Variants in DLEC1 observed in about 807,000 individuals in gnomAD.
The protein encoded by DLEC1 is deleted in lung and esophageal cancer protein 1.
A neutral mutation model predicts 198.1 loss-of-function variants in DLEC1; 146 were observed. The ratio of observed to expected loss-of-function variants is 0.74; its 90% CI spans 0.64 to 0.85. DLEC1 has a LOEUF of 0.85. DLEC1 is among the 40% of genes least tolerant of loss of function. DLEC1 has a pLI of 0.00. For synonymous variants in DLEC1, 897 were observed against 866.8 expected (o/e 1.03, Z -0.61); for missense variants, 2,233 against 2,220.0 (o/e 1.01, Z -0.12).
rs1234537612 is a variant in DLEC1 at position 38,039,542 on chromosome 3, C to T, written c.317C>T (p.Ala106Val). The change falls in exon 1 of 37, where the codon GCC becomes GTC. Residue 106 changes from alanine to valine, a missense_variant. Physicochemically the swap from Ala to Val is moderately conservative, Grantham distance 64 (BLOSUM62 0). Coordinates refer to ENST00000308059, the MANE Select transcript of DLEC1 (RefSeq NM_007335.4). ...LTGVFRNLYS[A>V]EVIGDEVSAS... ...GGCGTCTTCCGCAACTTGTACTCAG[C>T]CGAGGTCATCGGCGACGAAGTGAGC... The T allele has an allele frequency of 4.3e-6, 7 of 1,614,008 alleles. No homozygotes were observed. In the South Asian group the frequency reaches 7.7e-5, roughly 18 times the overall value.
intron 2 of DLEC1, among the ~76,000 whole-genome samples, chr3:38,053,071 C>T (rs554086856): frequency 2.4e-4 from 37 of 151,332 alleles, no homozygotes; most frequent in Middle Eastern, 3.4e-3. Context: ...GGATTGTAGA[C>T]GGAGTCTCGT....
chr3:38,084,245 G>C lies in DLEC1; in HGVS notation c.1261G>C (p.Gly421Arg). 1 of 1,611,582 alleles carries C rather than the reference G, an allele frequency of 6.2e-7. No homozygotes were observed. The highest frequency in any genetic ancestry group is 2.2e-5 in the East Asian group (1 of 44,818). Residue 421 changes from glycine to arginine, a missense_variant and splice_region_variant, in exon 7 of 37, where the codon GGG becomes CGG. Coordinates refer to ENST00000308059, the MANE Select transcript of DLEC1 (RefSeq NM_007335.4). ...PSTPYFALGLGMFPGKGGMVA... is the reference protein window; with the variant it reads ...PSTPYFALGLRMFPGKGGMVA... ...CACGCCATACTTCGCTCTGGGACTG[G>C]GTAAGTTCAGTATTTGTAAGTTCAT...
At chr3:38,084,592 A>G (rs1372778986) in intron 7 of DLEC1, among the ~76,000 whole-genome samples, 2 of 14,184 alleles carry the variant, frequency 1.4e-4, no homozygotes, top group African/African-American at 4.0e-4. Context: ...GGGTGGTAGT[A>G]GTAGTAGTAG....
chr3:38,078,300 G>C (rs1697750848), intron 6 of DLEC1, among the ~76,000 whole-genome samples: 1 of 152,148 alleles, frequency 6.6e-6, no homozygotes, highest in Non-Finnish European at 1.5e-5. Flanking sequence ...TGTAGAGAGT[G>C]AGTTGAGCAT....
At chr3:38,063,991 ATTTTCTTTTTT>A (rs1696843179) in intron 6 of DLEC1, 72 bp downstream of exon 6, 3 of 906,062 alleles carry the variant, frequency 3.3e-6, no homozygotes, top group Admixed American at 3.1e-5. Flanking sequence ...TATTATGGAA[ATTTTCTTTTTT>A]TTTTCTTTTT....
chr3:38,051,635 G>A (rs1476324898), intron 2 of DLEC1: 4 of 222,918 alleles, frequency 1.8e-5, no homozygotes, highest in South Asian at 8.4e-5. Flanking sequence ...CGGTGGAGTC[G>A]TTTTTCAGCA....
At position 38,085,173 on chromosome 3, in the gene DLEC1, C is replaced by G. The variant is rs1356001370; in HGVS notation, c.1262-101C>G. 7.4e-6 allele frequency: 10 copies of G among 1,346,910 alleles called. 1 individual carries two copies. The South Asian group carries it at 1.2e-4, about 16-fold the overall frequency. The allele number at this position is 1,346,910 out of a possible 1,614,324, so 83.4% of individuals were successfully genotyped here. ...GTGGCTTTGGCCCAGAAGGCACTTA[C>G]AGAGCCAGCCCTGGCAGGGCTGGGG... On this transcript the variant is annotated intron_variant, in intron 7 of 36. Transcript: ENST00000308059.
At chr3:38,103,424 A>T (rs1386033208) in intron 19 of DLEC1, 1 of 152,248 alleles carries the variant, frequency 6.6e-6, no homozygotes, top group Non-Finnish European at 1.5e-5. Flanking sequence ...TTCAAGCAGC[A>T]GTTTTGTTCT....
At position 38,121,968 on chromosome 3, in the gene DLEC1, G is replaced by T. The variant is rs184062027; in HGVS notation, c.5021-103G>T. 13 of 1,552,096 alleles carry T rather than the reference G, an allele frequency of 8.4e-6. No individual in the cohort carries two copies. The African/African-American group carries it at 1.6e-4, about 19-fold the overall frequency. On this transcript the variant is annotated intron_variant, in intron 35 of 36. Coordinates refer to ENST00000308059, the MANE Select transcript of DLEC1 (RefSeq NM_007335.4). Reference sequence around the variant, plus strand: ...TCTCAGGGTTGCCCTGCCCTGCAGTGCTGAGCAAGACCAGAGGTACAGGCC... The same window carrying T: ...TCTCAGGGTTGCCCTGCCCTGCAGTTCTGAGCAAGACCAGAGGTACAGGCC...
At position 38,118,158 on chromosome 3, in the gene DLEC1, G is replaced by A. The variant is rs535282670; in HGVS notation, c.4704+134G>A. 8.3e-5 allele frequency: 82 copies of A among 991,042 alleles called. No individual in the cohort carries two copies. In the African/African-American group the frequency reaches 1.3e-3, roughly 16 times the overall value. The allele number at this position is 991,042 out of a possible 1,614,324, so 61.4% of individuals were successfully genotyped here. Reference sequence around the variant, plus strand: ...TGCCTGACCCTGCCATACCCTGCATGAACACTCGGGGGTGCACTCCCACCA... The same window carrying A: ...TGCCTGACCCTGCCATACCCTGCATAAACACTCGGGGGTGCACTCCCACCA... On this transcript the variant is annotated intron_variant, in intron 33 of 36. Coordinates refer to ENST00000308059, the MANE Select transcript of DLEC1 (RefSeq NM_007335.4).
At position 38,084,545 on chromosome 3, in the gene DLEC1, A is replaced by G. The variant is rs756292479; in HGVS notation, c.1261+300A>G. Among the ~76,000 whole-genome samples the G allele has an allele frequency of 3.0e-3, 117 of 39,398 alleles. 1 individual carries two copies. The highest frequency in any genetic ancestry group is 0.013 in the African/African-American group (76 of 6,022). 25.8% of individuals were successfully genotyped at this position (39,398 alleles called of 152,430 possible). A position where few individuals can be genotyped will look rare whatever the true frequency, so the allele number is the denominator to read the frequency against. On this transcript the variant is annotated intron_variant, in intron 7 of 36. Transcript: ENST00000308059. ...TAGTAGTAGTAGTGGTGGTGGTAGT[A>G]GTAGTGGTAGTAGTAGTGGTAGTAG...
At chr3:38,052,744 C>T (rs1187705092) in intron 2 of DLEC1, among the ~76,000 whole-genome samples, 1 of 147,786 alleles carries the variant, frequency 6.8e-6, no homozygotes, top group Non-Finnish European at 1.5e-5. Flanking sequence ...CTTCCCATTA[C>T]AAGGGTTTGA....
chr3:38,115,124 G>C, intron 27 of DLEC1, 71 bp downstream of exon 27: 3 of 1,572,124 alleles, frequency 1.9e-6, no homozygotes, highest in Non-Finnish European at 2.6e-6. Flanking sequence ...GGCTGGGAGG[G>C]AAGGTGGGAG....
rs1312052026 is a variant in DLEC1, at chr3:38,108,415, A to G, written c.3029A>G (p.His1010Arg). 1 of 1,614,036 alleles carries G rather than the reference A, an allele frequency of 6.2e-7. No homozygotes were observed. The highest frequency in any genetic ancestry group is 1.1e-5 in the South Asian group (1 of 91,056). The change falls in exon 21 of 37, where the codon CAC (histidine) becomes CGC (arginine). Residue 1010 changes from histidine to arginine, a missense_variant. Physicochemically the swap from His to Arg is conservative, Grantham distance 29 (BLOSUM62 0). Coordinates refer to ENST00000308059, the MANE Select transcript of DLEC1 (RefSeq NM_007335.4). ...TCATGTGTCTGCCAGCTCCTCGGACACCAAGCAGAATTCTGCATGGTGACA... is the reference window on the plus strand; with the variant it reads ...TCATGTGTCTGCCAGCTCCTCGGACGCCAAGCAGAATTCTGCATGGTGACA... ...TQFHWGKLLG[H>R]QAEFCMVTVS...
chr3:38,057,113 C>T (rs1476526173), intron 2 of DLEC1, among the ~76,000 whole-genome samples: 3 of 152,208 alleles, frequency 2.0e-5, no homozygotes. Flanking sequence ...CTGGAGACAG[C>T]TCAGGGGTGC....
chr3:38,109,306 G>A (rs1010683093), intron 21 of DLEC1, 126 bp from the exon 22 acceptor site: 1 of 1,380,884 alleles, frequency 7.2e-7, no homozygotes, highest in South Asian at 1.4e-5. Flanking sequence ...GCTCACTGGA[G>A]GGACTGGAGA....
In DLEC1 at chr3:38,051,347, G is replaced by A. The variant is rs559160226; in HGVS notation, c.562+5654G>A. 3.0e-3 allele frequency among the ~76,000 whole-genome samples: 456 copies of A among 152,340 alleles called. 6 individuals are homozygous for A. The highest frequency in any genetic ancestry group is 5.0e-3 in the East Asian group (26 of 5,188). ...AGAGGCCTCCTCCCTGGTCCACCGC[G>A]GTCCCCACCCAACCCCACCTGTCCC... is the stretch of plus-strand genomic sequence containing the variant. On this transcript the variant is annotated intron_variant, in intron 2 of 36. Coordinates refer to ENST00000308059, the MANE Select transcript of DLEC1 (RefSeq NM_007335.4).
At chr3:38,092,585 A>G (rs1378253149) in intron 10 of DLEC1, among the ~76,000 whole-genome samples, 1 of 152,064 alleles carries the variant, frequency 6.6e-6, no homozygotes, top group Non-Finnish European at 1.5e-5. Context: ...TTATCTTCAT[A>G]TCCTTTTAGC....
At position 38,085,354 on chromosome 3, in the gene DLEC1, G is replaced by A. The variant is rs375331375; in HGVS notation, c.1342G>A (p.Gly448Arg). Reference protein sequence around the residue: ...YIVQFFPDCLGDFDDFILVET... With the variant: ...YIVQFFPDCLRDFDDFILVET... ...TGTCCAGTTTTTTCCCGACTGCCTTGGGGATTTTGATGATTTTATTTTAGT... is the reference window on the plus strand; with the variant it reads ...TGTCCAGTTTTTTCCCGACTGCCTTAGGGATTTTGATGATTTTATTTTAGT... The change falls in exon 8 of 37, where the codon GGG becomes AGG. Residue 448 changes from glycine to arginine, a missense_variant. Coordinates refer to ENST00000308059, the MANE Select transcript of DLEC1 (RefSeq NM_007335.4). 1.9e-6 allele frequency: 3 copies of A among 1,614,014 alleles called. No homozygotes were observed. Among genetic ancestry groups the A allele is most frequent in the Non-Finnish European group, 8.5e-7 (1 of 1,180,038 alleles).
Sources: gnomAD v4.1 joint callset for allele counts (sites outside exome capture counted in the v4.1 genomes callset) on GRCh38, gnomAD v4.1.1 for gene constraint, MANE v1.5 for transcripts, NCBI Gene and HGNC (gene_info 2026-07-23, HGNC 2026-07-21) for gene names.